Variants in PKM observed in about 807,000 individuals in gnomAD.
The protein encoded by PKM is pyruvate kinase PKM.
In PKM, 18 loss-of-function variants were observed where a neutral mutation model predicts 49.8. The ratio of observed to expected loss-of-function variants is 0.36; its 90% CI spans 0.25 to 0.54. The LOEUF (loss-of-function observed/expected upper bound fraction) is 0.54, where lower values mean the gene tolerates loss of function less well. Ranked by LOEUF, PKM falls within the 20% of genes least tolerant of loss-of-function variation. The probability of loss-of-function intolerance (pLI) is 0.89; values close to 1 mark genes in which losing one functional copy is unlikely to be tolerated. For synonymous variants in PKM, 239 were observed against 261.8 expected (o/e 0.91, Z 0.84); for missense variants, 508 against 713.8 (o/e 0.71, Z 3.28).
At chr15:72,223,958 G>A (rs2082595013) in intron 1 of PKM, among the ~76,000 whole-genome samples, 1 of 151,970 alleles carries the variant, frequency 6.6e-6, no homozygotes, top group South Asian at 2.1e-4. Flanking sequence ...ATTTCTTCGG[G>A]GCTGAAAGTA....
intron 1 of PKM, among the ~76,000 whole-genome samples, chr15:72,224,078 G>A (rs1015683955): frequency 1.3e-5 from 2 of 152,166 alleles, no homozygotes; most frequent in Non-Finnish European, 2.9e-5. Flanking sequence ...CTCAACTTCA[G>A]GTGAAGAAGC....
chr15:72,205,308 A>G (rs2082044430), intron 8 of PKM, among the ~76,000 whole-genome samples: 1 of 152,142 alleles, frequency 6.6e-6, no homozygotes, highest in South Asian at 2.1e-4. Flanking sequence ...AATTTTTAGT[A>G]GAGACAGGGT....
At chr15:72,225,845 T>A (rs1248078282) in intron 1 of PKM, among the ~76,000 whole-genome samples, 1 of 152,166 alleles carries the variant, frequency 6.6e-6, no homozygotes, top group Non-Finnish European at 1.5e-5. Context: ...ACTGTGTGAG[T>A]TTCTATATAT....
At chr15:72,213,958 T>C (rs1400619412) in intron 3 of PKM, among the ~76,000 whole-genome samples, 1 of 152,204 alleles carries the variant, frequency 6.6e-6, no homozygotes, top group Non-Finnish European at 1.5e-5. Context: ...ACTTTCTATT[T>C]TACTATTTTT....
chr15:72,229,535 G>A (rs1567137549), intron 1 of PKM: 1 of 1,284,490 alleles, frequency 7.8e-7, no homozygotes, highest in Non-Finnish European at 1.0e-6. Context: ...AGAAGCCAAG[G>A]GATGCCCTTA....
intron 6 of PKM, 97 bp from the exon 7 acceptor site, chr15:72,207,374 G>T: frequency 9.2e-7 from 1 of 1,085,306 alleles, no homozygotes; most frequent in Non-Finnish European, 1.4e-6. Flanking sequence ...TAACTTAGAT[G>T]TCCTTGTACC....
Position 72,202,982 on chromosome 15 carries a change from C to A in PKM, c.1141-362G>T. ...CTCCTAGAGCAGGTGGAGCAAGAGG[C>A]TGGTTATCCTAACAGTGTTACCTGC... is the stretch of plus-strand genomic sequence containing the variant. On this transcript the variant is annotated intron_variant, in intron 8 of 10. Coordinates refer to ENST00000335181, the MANE Select transcript of PKM (RefSeq NM_002654.6). This position sits in a 1 kb window ranked among gnomAD's most constrained non-coding sequence, Gnocchi z 4.5. 6.3e-7 allele frequency: 1 copy of A among 1,598,336 alleles called. No individual in the cohort carries two copies. The highest frequency in any genetic ancestry group is 8.6e-7 in the Non-Finnish European group (1 of 1,166,966).
At chr15:72,206,994 G>A in intron 7 of PKM, 114 bp from the exon 8 acceptor site, 3 of 1,470,592 alleles carry the variant, frequency 2.0e-6, no homozygotes, top group Non-Finnish European at 2.8e-6. Context: ...CTTTGTGTAG[G>A]TACATGGGGG....
In PKM at chr15:72,200,757, G is replaced by A. The variant is rs1465250558; in HGVS notation, c.1308-102C>T. The A allele has an allele frequency of 1.1e-5, 11 of 1,047,436 alleles. No homozygotes were observed. The highest frequency in any genetic ancestry group is 1.6e-5 in the African/African-American group (1 of 63,606). The allele number at this position is 1,047,436 out of a possible 1,614,324, so 64.9% of individuals were successfully genotyped here. ...CTCACCCTCTCATCCAGCTCACTGA[G>A]GGCTCTGGCCTCTTCAACATCTGCT... On this transcript the variant is annotated intron_variant, in intron 9 of 10. Coordinates refer to ENST00000335181, the MANE Select transcript of PKM (RefSeq NM_002654.6). This position sits in a 1 kb window ranked among gnomAD's most constrained non-coding sequence, Gnocchi z 4.6.
At chr15:72,215,416 T>C (rs2082355369) in intron 3 of PKM, among the ~76,000 whole-genome samples, 1 of 152,154 alleles carries the variant, frequency 6.6e-6, no homozygotes, top group Non-Finnish European at 1.5e-5. Flanking sequence ...TTATATAAAT[T>C]AGAATAATTT....
At chr15:72,218,723 C>A (rs2082439488) in intron 2 of PKM, among the ~76,000 whole-genome samples, 1 of 152,028 alleles carries the variant, frequency 6.6e-6, no homozygotes, top group Non-Finnish European at 1.5e-5. Context: ...GCCATCTTAG[C>A]AATTTTGAAA....
intron 1 of PKM, 57 bp downstream of exon 1, chr15:72,231,059 T>C (rs542317410): frequency 1.2e-6 from 1 of 810,258 alleles, no homozygotes; most frequent in African/African-American, 1.8e-5. Context: ...GATTCCGCAC[T>C]AGCCGGGCGA....
chr15:72,214,577 C>G (rs2082331427), intron 3 of PKM, among the ~76,000 whole-genome samples: 1 of 151,944 alleles, frequency 6.6e-6, no homozygotes, highest in Admixed American at 6.6e-5. Context: ...GGATGGATCA[C>G]TTGAGGTCAG....
At chr15:72,208,472 C>G in intron 6 of PKM, 149 bp downstream of exon 6, 1 of 837,498 alleles carries the variant, frequency 1.2e-6, no homozygotes, top group Non-Finnish European at 2.0e-6. Context: ...GCCTTCTACT[C>G]TCCTAAGATA....
At chr15:72,230,418 G>T (rs1028481784) in intron 1 of PKM, among the ~76,000 whole-genome samples, 2 of 152,216 alleles carry the variant, frequency 1.3e-5, no homozygotes, top group African/African-American at 2.4e-5. Context: ...TGGAAAAGGG[G>T]GGTGGGACCG....
At chr15:72,208,433 AC>A (rs1172699003) in intron 6 of PKM, among the ~76,000 whole-genome samples, 187 bp downstream of exon 6, 3 of 151,656 alleles carry the variant, frequency 2.0e-5, no homozygotes, top group African/African-American at 7.3e-5. Context: ...TTTAAAAAAA[AC>A]AAAAAAACAA....
intron 5 of PKM, 64 bp downstream of exon 5, chr15:72,209,609 G>A: frequency 1.4e-6 from 2 of 1,435,640 alleles, no homozygotes; most frequent in Non-Finnish European, 2.0e-6. Context: ...CATCTTCCTT[G>A]TGTCAAGGAA....
intron 8 of PKM, among the ~76,000 whole-genome samples, chr15:72,206,002 AAG>A (rs1350534007): frequency 2.0e-5 from 3 of 152,168 alleles, no homozygotes; most frequent in Non-Finnish European, 2.9e-5. Flanking sequence ...AAAGAAGGGA[AAG>A]AGCCTCCACG....
At position 72,219,004 on chromosome 15, in the gene PKM, G is replaced by A. The variant is rs776788433; in HGVS notation, c.94C>T (p.Arg32Cys). 8.7e-6 allele frequency: 14 copies of A among 1,614,036 alleles called. No homozygotes were observed. Among genetic ancestry groups the A allele is most frequent in the Admixed American group, 3.3e-5 (2 of 59,990 alleles). The part of the protein sequence containing the change: ...MADTFLEHMC[R>C]LDIDSPPITA... ...ATGGGTGGTGAATCAATGTCCAGGC[G>A]GCACATGTGCTCCAGGAATGTGTCA... The change falls in exon 2 of 11, where the codon CGC (arginine) becomes TGC (cysteine). Residue 32 changes from arginine to cysteine, a missense_variant. By Grantham distance (180) the Arg-to-Cys change is radical. Transcript: ENST00000335181.
Sources: gnomAD v4.1 joint callset for allele counts (sites outside exome capture counted in the v4.1 genomes callset) on GRCh38, gnomAD v4.1.1 for gene constraint, Gnocchi (gnomAD v3.1) non-coding constraint, MANE v1.5 for transcripts, NCBI Gene and HGNC (gene_info 2026-07-23, HGNC 2026-07-21) for gene names.